Variants in ALAS2 observed in about 807,000 individuals in gnomAD.
The protein encoded by ALAS2 is 5'-aminolevulinate synthase 2.
ALAS2 carries 3 observed loss-of-function variants against 33.7 expected under a neutral mutation model. The observed-to-expected ratio is 0.09, with a 90% CI of 0.04 to 0.23. The LOEUF (loss-of-function observed/expected upper bound fraction) is 0.23. Among genes scored for constraint, ALAS2 ranks in the 10% least tolerant of loss-of-function variants. The pLI is 1.00. For missense variants in ALAS2, 304 were observed against 475.1 expected (o/e 0.64, Z 3.35); for synonymous variants, 191 against 177.3 (o/e 1.08, Z -0.61).
rs727468 is a variant in ALAS2, at chrX:55,017,895, C to G, written c.824-230G>C. ...CCCTCCAGTCATTTGTAACCCTGGT[C>G]TAGCCTCTGACTGCCTTGGGGTGGA... On this transcript the variant is annotated intron_variant, in intron 6 of 10. Transcript: ENST00000650242. Among the ~76,000 whole-genome samples the G allele has an allele frequency of 0.02, 2,217 of 112,055 alleles. 45 individuals carry two copies. Among genetic ancestry groups the G allele is most frequent in the African/African-American group, 0.068 (2,095 of 30,793 alleles).
At chrX:55,017,030 G>C (rs769904915) in intron 7 of ALAS2, among the ~76,000 whole-genome samples, 2 of 111,564 alleles carry the variant, frequency 1.8e-5, no homozygotes, top group African/African-American at 6.5e-5. Context: ...CCAAACACTG[G>C]GATTATTGAT....
Position 55,014,734 on chromosome X carries a change from G to C in ALAS2, c.1437+13C>G, listed in dbSNP as rs1935669394. The C allele has an allele frequency of 1.7e-6, 2 of 1,165,760 alleles. No homozygotes were observed. The highest frequency in any genetic ancestry group is 3.5e-5 in the African/African-American group (2 of 56,586). The stretch of plus-strand genomic sequence containing the variant: ...ATAGGTGGAGAGGGCAATGGGCATG[G>C]TGGGGCTCTCACCCGGATGGGGATG... On this transcript the variant is annotated intron_variant, in intron 9 of 10. Coordinates refer to ENST00000650242, the MANE Select transcript of ALAS2 (RefSeq NM_000032.5).
At chrX:55,018,474 G>C (rs953898993) in intron 6 of ALAS2, among the ~76,000 whole-genome samples, 2 of 111,696 alleles carry the variant, frequency 1.8e-5, no homozygotes, top group African/African-American at 6.5e-5. Flanking sequence ...AGTTGCATGG[G>C]AGCAAAAACA....
chrX:55,019,424 G>C (rs1288008268), intron 6 of ALAS2, among the ~76,000 whole-genome samples: 2 of 111,493 alleles, frequency 1.8e-5, no homozygotes, highest in South Asian at 3.8e-4. Context: ...TTGCTGTCTG[G>C]TATCTTCTAT....
Position 55,014,936 on chromosome X carries a change from G to T in ALAS2, c.1248C>A (p.Gly416=). The T allele has an allele frequency of 1.7e-6, 2 of 1,209,651 alleles. No individual in the cohort carries two copies. Among genetic ancestry groups the T allele is most frequent in the East Asian group, 3.0e-5 (1 of 33,810 alleles). Reference sequence around the variant, plus strand: ...GGGGCAGAGAAGTGGTAAAGATGAAGCCTGCAGCATAGGAGCGCACCATGT... The same window carrying T: ...GGGGCAGAGAAGTGGTAAAGATGAATCCTGCAGCATAGGAGCGCACCATGT... ...LVDMVRSYAA[G]FIFTTSLPPM... Residue 416 remains glycine (G), a synonymous_variant, in exon 9 of 11, where the codon GGC becomes GGA. Transcript: ENST00000650242.
rs767435998 is a variant in ALAS2, at chrX:55,009,222, G to A, written c.1722C>T (p.Tyr574=). ...FELMSEWERS[Y]FGNMGPQYVT... ...CATACTGGGGCCCCATGTTCCCGAAGTAGGAACGTTCCCACTCACTCATGA... is the reference window on the plus strand; with the variant it reads ...CATACTGGGGCCCCATGTTCCCGAAATAGGAACGTTCCCACTCACTCATGA... Residue 574 remains tyrosine, a synonymous_variant, in exon 11 of 11, where the codon TAC becomes TAT. Transcript: ENST00000650242. 4 of 1,206,199 alleles carry A rather than the reference G, an allele frequency of 3.3e-6. No individual in the cohort carries two copies. Among genetic ancestry groups the A allele is most frequent in the African/African-American group, 1.8e-5 (1 of 56,892 alleles).
chrX:55,009,144 G>A lies in ALAS2; in HGVS notation c.*36C>T. The A allele has an allele frequency of 8.3e-7, 1 of 1,199,912 alleles. No individual in the cohort carries two copies. The highest frequency in any genetic ancestry group is 1.1e-6 in the Non-Finnish European group (1 of 889,055). ...AGGAGTAGGCCTGGACCCAAGTGAA[G>A]CGCAGGTGGGGTGTGAATCCTAGGC... is the stretch of plus-strand genomic sequence containing the variant. On this transcript the variant is annotated 3_prime_UTR_variant, in exon 11 of 11. Coordinates refer to ENST00000650242, the MANE Select transcript of ALAS2 (RefSeq NM_000032.5).
intron 7 of ALAS2, among the ~76,000 whole-genome samples, chrX:55,015,957 CTCTGTGTGTGTGTGTG>C (rs1179894931): frequency 6.5e-4 from 56 of 86,309 alleles, no homozygotes; most frequent in African/African-American, 2.3e-3. Flanking sequence ...CTCTCTGTCT[CTCTGTGTGTGTGTGTG>C]TGTGTGTGTG....
Position 55,030,594 on chromosome X carries a change from G to A in ALAS2, c.-16+348C>T, listed in dbSNP as rs1447619916. ...CACAGAGACGGAGAGATACAAAGCC[G>A]AGGAAAGAGACAAAAAGGGGGAGAG... On this transcript the variant is annotated intron_variant, in intron 1 of 10. Transcript: ENST00000650242. Among the ~76,000 whole-genome samples, 3 of 111,240 alleles carry A rather than the reference G, an allele frequency of 2.7e-5. No individual in the cohort carries two copies. In the East Asian group the frequency reaches 8.4e-4, roughly 31 times the overall value.
Position 55,023,688 on chromosome X carries a change from T to C in ALAS2, c.415+69A>G, listed in dbSNP as rs1301490632. The C allele has an allele frequency of 3.3e-6, 3 of 917,799 alleles. No individual in the cohort carries two copies. In the Admixed American group the frequency reaches 7.3e-5, roughly 22 times the overall value. 75.6% of individuals were successfully genotyped at this position (917,799 alleles called of 1,213,427 possible). A position where few individuals can be genotyped will look rare whatever the true frequency, so the allele number is the denominator to read the frequency against. On this transcript the variant is annotated intron_variant, in intron 4 of 10. Coordinates refer to ENST00000650242, the MANE Select transcript of ALAS2 (RefSeq NM_000032.5). ...GGCCCTTCTGTACTGTTTCCCCTAC[T>C]GTGACAGAGGCCCTTTCAGAATGCC... is the stretch of plus-strand genomic sequence containing the variant.
Position 55,025,935 on chromosome X carries a change from T to C in ALAS2, c.66A>G (p.Leu22=). 1 of 1,211,212 alleles carries C rather than the reference T, an allele frequency of 8.3e-7. No homozygotes were observed. The highest frequency in any genetic ancestry group is 1.1e-6 in the Non-Finnish European group (1 of 895,212). Residue 22 remains leucine, a synonymous_variant, in exon 2 of 11, where the codon CTA becomes CTG. Transcript: ENST00000650242. ...ACTGGTGAGTCTTAACCACCTTGCC[T>C]AGGAGGCTTGTGGGGCCCCGGGCAA... ...PVLARGPTSL[L]GKVVKTHQFL... is the part of the protein sequence containing the mutation.
intron 8 of ALAS2, 112 bp from the exon 9 acceptor site, chrX:55,015,127 G>A: frequency 1.2e-6 from 1 of 853,540 alleles, no homozygotes; most frequent in East Asian, 3.4e-5. Context: ...GCTCCAGGCT[G>A]TCTTCCCAGG....
intron 10 of ALAS2, among the ~76,000 whole-genome samples, chrX:55,012,919 T>G (rs1252291429): frequency 1.8e-5 from 2 of 112,247 alleles, no homozygotes; most frequent in African/African-American, 3.2e-5. Flanking sequence ...TCTACAAGCC[T>G]CTCAATCCAG....
Position 55,009,189 on chromosome X carries a change from G to A in ALAS2, c.1755C>T (p.Thr585=), listed in dbSNP as rs376054568. The change falls in exon 11 of 11, where the codon ACC becomes ACT. Residue 585 remains threonine, a synonymous_variant. Coordinates refer to ENST00000650242, the MANE Select transcript of ALAS2 (RefSeq NM_000032.5). The part of the protein sequence containing the change: ...FGNMGPQYVT[T]YA ...CTAGGCAGCTGGCTTCTCAGGCATA[G>A]GTGGTGACATACTGGGGCCCCATGT... 1.7e-6 allele frequency: 2 copies of A among 1,208,450 alleles called. No homozygotes were observed. The highest frequency in any genetic ancestry group is 1.7e-5 in the African/African-American group (1 of 57,726).
intron 7 of ALAS2, among the ~76,000 whole-genome samples, chrX:55,016,311 A>G (rs752441577): frequency 9.0e-6 from 1 of 111,571 alleles, no homozygotes; most frequent in Non-Finnish European, 1.9e-5. Context: ...TACAAAAGGG[A>G]TAGGATAGTT....
chrX:55,017,724 C>G, intron 6 of ALAS2, 59 bp from the exon 7 acceptor site: 4 of 1,133,043 alleles, frequency 3.5e-6, no homozygotes, highest in Non-Finnish European at 4.8e-6. Flanking sequence ...CTTCAACCTT[C>G]AGGTTTGACC....
chrX:55,010,452 C>T (rs1935583039), intron 10 of ALAS2, among the ~76,000 whole-genome samples: 1 of 111,631 alleles, frequency 9.0e-6, no homozygotes, highest in South Asian at 3.8e-4. Flanking sequence ...TCTGGTCCCA[C>T]ATTGCCTCTA....
Position 55,013,667 on chromosome X carries a change from CT to C in ALAS2, c.1438-20del. 8.3e-7 allele frequency: 1 copy of C among 1,208,879 alleles called. No individual in the cohort carries two copies. The highest frequency in any genetic ancestry group is 1.8e-5 in the South Asian group (1 of 56,785). Reference sequence around the variant, plus strand: ...TGCCCACCTGGACTCAGGAGAAAGGCTAATCAGTACCTGCCACTCTGGCTCC... The same window carrying C: ...TGCCCACCTGGACTCAGGAGAAAGGCAATCAGTACCTGCCACTCTGGCTCC... On this transcript the variant is annotated intron_variant, in intron 9 of 10. Transcript: ENST00000650242.
chrX:55,019,431 CTAT>C (rs1935760971), intron 6 of ALAS2, among the ~76,000 whole-genome samples: 1 of 111,152 alleles, frequency 9.0e-6, no homozygotes, highest in South Asian at 3.8e-4. Context: ...CTGGTATCTT[CTAT>C]TTTGAATGTA....
Sources: allele counts gnomAD v4.1 joint callset (sites outside exome capture counted in the v4.1 genomes callset), GRCh38; gene constraint gnomAD v4.1.1; transcripts MANE v1.5; gene names NCBI Gene and HGNC (gene_info 2026-07-23, HGNC 2026-07-21).